The following SLC24A2 variants were observed in gnomAD, a reference collection of about 807,000 sequenced individuals.
The protein encoded by SLC24A2 is solute carrier family 24 member 2.
In SLC24A2, 36 loss-of-function variants were observed where a neutral mutation model predicts 62.0. That is an observed-to-expected ratio of 0.58 (90% CI 0.44 to 0.77). The LOEUF (loss-of-function observed/expected upper bound fraction) is 0.77. Among genes scored for constraint, SLC24A2 ranks in the 30% least tolerant of loss-of-function variants. SLC24A2 has a pLI of 0.00. For missense variants in SLC24A2, 846 were observed against 817.9 expected, an observed-to-expected ratio of 1.03 and a Z score of -0.42; for synonymous variants, 358 against 294.0, an observed-to-expected ratio of 1.22 and a Z score of -2.23.
chr9:19,810,850 T>C, the SLC24A2 span, among the ~76,000 whole-genome samples: 4 of 152,220 alleles, frequency 2.6e-5, no homozygotes, highest in Admixed American at 2.0e-4. Flanking sequence ...TGTAGCATAG[T>C]TGACTAGAAA....
At chr9:19,585,943 T>A (rs1052238860) in intron 5 of SLC24A2, among the ~76,000 whole-genome samples, 1 of 152,204 alleles carries the variant, frequency 6.6e-6, no homozygotes, top group Non-Finnish European at 1.5e-5. Context: ...CCTAGCAGGG[T>A]CACCTTATCG....
the SLC24A2 span, among the ~76,000 whole-genome samples, chr9:20,110,363 T>C: frequency 3.3e-5 from 5 of 152,188 alleles, no homozygotes; most frequent in Admixed American, 3.3e-4. Context: ...TCTGTTGATA[T>C]GTGATATCAA....
At chr9:20,131,199 GGGA>G in the SLC24A2 span, among the ~76,000 whole-genome samples, 2 of 152,052 alleles carry the variant, frequency 1.3e-5, no homozygotes, top group Non-Finnish European at 2.9e-5. Context: ...TTAGCCCTGT[GGGA>G]GGAGATCTCC....
At chr9:19,727,653 T>G (rs1047186235) in intron 2 of SLC24A2, among the ~76,000 whole-genome samples, 1 of 152,242 alleles carries the variant, frequency 6.6e-6, no homozygotes, top group African/African-American at 2.4e-5. Context: ...AATTATTTTT[T>G]AGGCATTCAA....
chr9:19,518,681 A>G (rs1287086387), intron 10 of SLC24A2, among the ~76,000 whole-genome samples: 1 of 151,896 alleles, frequency 6.6e-6, no homozygotes, highest in Non-Finnish European at 1.5e-5. Flanking sequence ...CAGCCTCCCA[A>G]AGTGCTGGGA....
the SLC24A2 span, among the ~76,000 whole-genome samples, chr9:19,984,609 G>A: frequency 6.6e-6 from 1 of 152,180 alleles, no homozygotes. Flanking sequence ...AGTAGGCTGA[G>A]GCAGGAGAAT....
intron 2 of SLC24A2, among the ~76,000 whole-genome samples, chr9:19,652,767 T>C (rs16937678): frequency 0.059 from 8,971 of 152,298 alleles, 319 homozygotes; most frequent in Middle Eastern, 0.13. Context: ...CTCGTGCCTA[T>C]TCAAAATTAG....
chr9:19,728,978 C>T (rs1284195625), intron 2 of SLC24A2, among the ~76,000 whole-genome samples: 1 of 152,136 alleles, frequency 6.6e-6, no homozygotes, highest in Non-Finnish European at 1.5e-5. Context: ...TGAGGTAGGC[C>T]ATATTTGACT....
chr9:19,544,739 T>A (rs1388594008), intron 8 of SLC24A2, among the ~76,000 whole-genome samples: 1 of 152,194 alleles, frequency 6.6e-6, no homozygotes, highest in African/African-American at 2.4e-5. Context: ...CTTTTAAGAA[T>A]GTTGAATATT....
the SLC24A2 span, among the ~76,000 whole-genome samples, chr9:20,070,172 A>G: frequency 1.3e-5 from 2 of 152,204 alleles, no homozygotes; most frequent in Non-Finnish European, 2.9e-5. Flanking sequence ...AGATTCTTTG[A>G]ACCTCTTGGC....
At chr9:20,291,242 A>G in the SLC24A2 span, among the ~76,000 whole-genome samples, 1 of 152,298 alleles carries the variant, frequency 6.6e-6, no homozygotes, top group East Asian at 1.9e-4. Flanking sequence ...AAGGGCCAGG[A>G]GAGAAATAGA....
the SLC24A2 span, among the ~76,000 whole-genome samples, chr9:20,049,976 C>T: frequency 6.6e-6 from 1 of 152,090 alleles, no homozygotes; most frequent in African/African-American, 2.4e-5. Flanking sequence ...ATTGGTTAAA[C>T]CTAGCAAGAT....
the SLC24A2 span, among the ~76,000 whole-genome samples, chr9:20,233,767 T>C: frequency 2.0e-5 from 3 of 152,210 alleles, no homozygotes; most frequent in African/African-American, 7.2e-5. Flanking sequence ...GATCCTGTCA[T>C]TATGATGTTA....
intron 2 of SLC24A2, among the ~76,000 whole-genome samples, chr9:19,708,290 T>C (rs1418572409): frequency 6.6e-6 from 1 of 152,142 alleles, no homozygotes; most frequent in Non-Finnish European, 1.5e-5. Context: ...TCCATGCTCA[T>C]GGGTAGGAAG....
intron 2 of SLC24A2, among the ~76,000 whole-genome samples, chr9:19,758,511 T>G (rs2118841304): frequency 6.6e-6 from 1 of 152,320 alleles, no homozygotes; most frequent in East Asian, 1.9e-4. Flanking sequence ...CCTTATTTAT[T>G]TTCAGTAGGT....
chr9:19,621,284 C>T (rs748003867), intron 3 of SLC24A2, among the ~76,000 whole-genome samples: 4 of 152,128 alleles, frequency 2.6e-5, no homozygotes, highest in South Asian at 2.1e-4. Flanking sequence ...ATTACTGGTG[C>T]CTCAATGGTG....
the SLC24A2 span, among the ~76,000 whole-genome samples, chr9:20,012,212 G>C: frequency 6.6e-6 from 1 of 152,196 alleles, no homozygotes; most frequent in African/African-American, 2.4e-5. Flanking sequence ...ACAAAAGAAA[G>C]AGGTTTACTG....
the SLC24A2 span, among the ~76,000 whole-genome samples, chr9:20,127,837 T>C: frequency 6.6e-6 from 1 of 152,142 alleles, no homozygotes; most frequent in Non-Finnish European, 1.5e-5. Context: ...ATTTTTAGTC[T>C]TGTGGCAGTT....
At chr9:19,735,671 T>C (rs1406536498) in intron 2 of SLC24A2, among the ~76,000 whole-genome samples, 2 of 152,158 alleles carry the variant, frequency 1.3e-5, no homozygotes, top group Admixed American at 6.5e-5. Context: ...TGGAATACTA[T>C]GCAGCCATAA....
Sources: gnomAD v4.1 joint callset for allele counts (sites outside exome capture counted in the v4.1 genomes callset) on GRCh38, gnomAD v4.1.1 for gene constraint, MANE v1.5 for transcripts, NCBI Gene and HGNC (gene_info 2026-07-23, HGNC 2026-07-21) for gene names.